BRAF: variants seen among roughly 807,000 people sequenced by gnomAD.
The protein encoded by BRAF is serine/threonine-protein kinase B-raf.
In BRAF, 16 loss-of-function variants were observed where a neutral mutation model predicts 104.6. That is an observed-to-expected ratio of 0.15 (90% CI 0.10 to 0.23). The LOEUF (loss-of-function observed/expected upper bound fraction) is 0.23, where lower values mean the gene tolerates loss of function less well. BRAF is among the 10% of genes least tolerant of loss of function. BRAF has a pLI of 1.00. For synonymous variants in BRAF, 310 were observed against 341.6 expected (o/e 0.91, Z 1.02); for missense variants, 541 against 937.3 (o/e 0.58, Z 5.52).
At chr7:140,900,147 C>T (rs912711540) in intron 1 of BRAF, among the ~76,000 whole-genome samples, 2 of 152,230 alleles carry the variant, frequency 1.3e-5, no homozygotes, top group Non-Finnish European at 2.9e-5. Flanking sequence ...GCTAAGTCTT[C>T]GGTAATTACA....
chr7:140,919,146 C>CAA (rs572137875), intron 1 of BRAF, among the ~76,000 whole-genome samples: 9 of 91,858 alleles, frequency 9.8e-5, no homozygotes, highest in South Asian at 3.1e-4. Flanking sequence ...GACTCCGTCT[C>CAA]AAAAAAAAAA....
intron 1 of BRAF, among the ~76,000 whole-genome samples, chr7:140,865,697 C>A (rs1198278692): frequency 6.6e-6 from 1 of 151,944 alleles, no homozygotes; most frequent in African/African-American, 2.4e-5. Flanking sequence ...TAGATAGAAC[C>A]CTTTTAAGTC....
intron 14 of BRAF, among the ~76,000 whole-genome samples, chr7:140,770,864 C>A (rs972669528): frequency 6.3e-5 from 9 of 143,350 alleles, no homozygotes; most frequent in Admixed American, 2.2e-4. Context: ...ACCTGAGAGG[C>A]GGAGGTTTCA....
Position 140,721,543 on chromosome 7 carries a change from T to C in BRAF, c.*4951A>G, listed in dbSNP as rs573694516. On this transcript the variant is annotated 3_prime_UTR_variant, in exon 20 of 20. Transcript: ENST00000644969. ...ACAAACATCTTACCAGTATTTTTAATTTTACCAGAGCTAGCAACATGGACC... is the reference window on the plus strand; with the variant it reads ...ACAAACATCTTACCAGTATTTTTAACTTTACCAGAGCTAGCAACATGGACC... 2 of 1,450,726 alleles carry C rather than the reference T, an allele frequency of 1.4e-6. No homozygotes were observed. The highest frequency in any genetic ancestry group is 5.2e-5 in the Admixed American group (2 of 38,190). The allele number at this position is 1,450,726 out of a possible 1,614,324, so 89.9% of individuals were successfully genotyped here. A position where few individuals can be genotyped will look rare whatever the true frequency, so the allele number is the denominator to read the frequency against.
At chr7:140,782,979 G>C in intron 11 of BRAF, 42 bp downstream of exon 10, 1 of 1,606,556 alleles carries the variant, frequency 6.2e-7, no homozygotes, top group Non-Finnish European at 8.5e-7. Context: ...TGACTTCTAA[G>C]AAGAAAGAAT....
chr7:140,854,694 C>T (rs1306760868), intron 1 of BRAF, among the ~76,000 whole-genome samples: 2 of 152,004 alleles, frequency 1.3e-5, no homozygotes, highest in Non-Finnish European at 2.9e-5. Flanking sequence ...ACCTGTAATC[C>T]CAGCACTTTG....
At chr7:140,867,571 A>G (rs1811108118) in intron 1 of BRAF, among the ~76,000 whole-genome samples, 1 of 152,102 alleles carries the variant, frequency 6.6e-6, no homozygotes. Flanking sequence ...AAAAAGTTAT[A>G]GAGAAAAACA....
At chr7:140,787,666 G>A (rs561605698) in intron 8 of BRAF, 82 bp from the exon 9 acceptor site, 72 of 1,149,630 alleles carry the variant, frequency 6.3e-5, no homozygotes, top group Admixed American at 1.3e-4. Context: ...TTCCACTAAC[G>A]TTAAAAGAAT....
intron 1 of BRAF, among the ~76,000 whole-genome samples, chr7:140,889,489 G>A (rs1381912228): frequency 2.6e-5 from 4 of 151,930 alleles, no homozygotes; most frequent in African/African-American, 9.7e-5. Flanking sequence ...TATCTACTAG[G>A]GGTAATGTGC....
intron 1 of BRAF, among the ~76,000 whole-genome samples, chr7:140,879,459 C>T (rs1484915713): frequency 1.4e-5 from 2 of 147,836 alleles, no homozygotes; most frequent in Non-Finnish European, 3.0e-5. Flanking sequence ...GGATTACAGA[C>T]GTGAGCCACT....
chr7:140,850,378 A>C (rs1809034414), intron 1 of BRAF, among the ~76,000 whole-genome samples, 166 bp from the exon 2 acceptor site: 1 of 152,138 alleles, frequency 6.6e-6, no homozygotes, highest in African/African-American at 2.4e-5. Context: ...AACATCTTTA[A>C]ATTTTTTTCT....
At chr7:140,763,583 A>T (rs547753938) in intron 14 of BRAF, among the ~76,000 whole-genome samples, 155 of 152,382 alleles carry the variant, frequency 1.0e-3, no homozygotes, top group Non-Finnish European at 1.9e-3. Context: ...AGAAGAATCA[A>T]ATAGATGCAA....
chr7:140,792,960 AATAG>A (rs1397115795), intron 8 of BRAF, among the ~76,000 whole-genome samples: 14 of 152,354 alleles, frequency 9.2e-5, no homozygotes, highest in African/African-American at 2.6e-4. Flanking sequence ...AAGGAATGGA[AATAG>A]ATAGAGAGAA....
At chr7:140,780,608 C>T (rs1368667868) in intron 12 of BRAF, 1 of 152,170 alleles carries the variant, frequency 6.6e-6, no homozygotes, top group Non-Finnish European at 1.5e-5. Context: ...GTATCTTACA[C>T]ATACTGCTTT....
chr7:140,742,066 G>A (rs978625174), intron 17 of BRAF, among the ~76,000 whole-genome samples: 3 of 152,170 alleles, frequency 2.0e-5, no homozygotes, highest in Non-Finnish European at 4.4e-5. Flanking sequence ...GTTCATTAAG[G>A]TGAGTGATAA....
intron 14 of BRAF, among the ~76,000 whole-genome samples, chr7:140,765,634 G>A (rs1360952086): frequency 1.3e-5 from 2 of 152,006 alleles, no homozygotes; most frequent in Non-Finnish European, 2.9e-5. Flanking sequence ...CAAAAAGTGG[G>A]CAAAGGACAT....
At chr7:140,801,361 AATTTAAGTG>A in intron 6 of BRAF, 42 bp downstream of exon 6, 1 of 1,597,918 alleles carries the variant, frequency 6.3e-7, no homozygotes, top group Non-Finnish European at 8.6e-7. Flanking sequence ...ACATTAAGAA[AATTTAAGTG>A]TAAAATGGTA....
chr7:140,864,416 A>G (rs926688875), intron 1 of BRAF, among the ~76,000 whole-genome samples: 1 of 152,206 alleles, frequency 6.6e-6, no homozygotes, highest in African/African-American at 2.4e-5. Flanking sequence ...TGTCACCAAC[A>G]GGAGAGGCTT....
Position 140,719,742 on chromosome 7 carries a change from C to T in BRAF, c.*6752G>A. The T allele has an allele frequency of 9.4e-7, 1 of 1,062,256 alleles. No homozygotes were observed. The highest frequency in any genetic ancestry group is 1.6e-5 in the African/African-American group (1 of 61,000). The allele number at this position is 1,062,256 out of a possible 1,614,324, so 65.8% of individuals were successfully genotyped here. A position where few individuals can be genotyped will look rare whatever the true frequency, so the allele number is the denominator to read the frequency against. ...GAAAAATAAGCTTTAAAAATAGTTA[C>T]TCCATTGTAATTTTTGCAAAGCAGG... On this transcript the variant is annotated 3_prime_UTR_variant, in exon 20 of 20. Coordinates refer to ENST00000644969, the MANE Select transcript of BRAF (RefSeq NM_001374258.1).
Sources: gnomAD v4.1 joint callset for allele counts (sites outside exome capture counted in the v4.1 genomes callset) on GRCh38, gnomAD v4.1.1 for gene constraint, MANE v1.5 for transcripts, NCBI Gene and HGNC (gene_info 2026-07-23, HGNC 2026-07-21) for gene names.